LHX4: variants seen among roughly 807,000 people sequenced by gnomAD.
LHX4 encodes the protein LIM/homeobox protein Lhx4.
A neutral mutation model predicts 39.2 loss-of-function variants in LHX4; 16 were observed. The observed-to-expected ratio is 0.41, with a 90% confidence interval of 0.28 to 0.62. LHX4 has a LOEUF of 0.62. Among genes scored for constraint, LHX4 ranks in the 20% least tolerant of loss-of-function variants. LHX4 has a pLI of 0.33. For missense variants in LHX4, 439 were observed against 511.9 expected (o/e 0.86, Z 1.37); for synonymous variants, 206 against 198.1 (o/e 1.04, Z -0.33).
At chr1:180,231,420 C>T (rs1049021542) in intron 1 of LHX4, among the ~76,000 whole-genome samples, 1 of 151,808 alleles carries the variant, frequency 6.6e-6, no homozygotes, top group Non-Finnish European at 1.5e-5. Context: ...CGTGTTTATC[C>T]CCAAGTCTCT....
intron 2 of LHX4, among the ~76,000 whole-genome samples, chr1:180,251,949 T>C (rs357069): frequency 0.41 from 61,619 of 152,094 alleles, 14,442 homozygotes; most frequent in African/African-American, 0.66. Context: ...GAAGACCAGG[T>C]GGCTCTGAAG....
At chr1:180,248,536 G>T (rs1392269892) in intron 2 of LHX4, 80 bp downstream of exon 2, 1 of 1,509,082 alleles carries the variant, frequency 6.6e-7, no homozygotes, top group Non-Finnish European at 9.2e-7. Flanking sequence ...TTGCAGCAGG[G>T]TAGGCCAGGG....
intron 2 of LHX4, among the ~76,000 whole-genome samples, chr1:180,256,676 T>C (rs563502667): frequency 8.8e-4 from 134 of 152,316 alleles, no homozygotes; most frequent in African/African-American, 3.1e-3. Flanking sequence ...CACTGGGCCA[T>C]CCGTGGGGCT....
chr1:180,242,883 T>C (rs969252444), intron 1 of LHX4, among the ~76,000 whole-genome samples: 12 of 152,230 alleles, frequency 7.9e-5, no homozygotes, highest in African/African-American at 2.9e-4. Flanking sequence ...CAAGCATCTA[T>C]GTAAATTGCA....
intron 1 of LHX4, among the ~76,000 whole-genome samples, chr1:180,244,992 C>G (rs574428945): frequency 6.6e-6 from 1 of 152,354 alleles, no homozygotes; most frequent in East Asian, 1.9e-4. Context: ...GCACACAGCA[C>G]TGCCCTGTGG....
Position 180,246,940 on chromosome 1 carries a change from A to G in LHX4, c.77-1345A>G, listed in dbSNP as rs1451708753. On this transcript the variant is annotated intron_variant, in intron 1 of 5. Coordinates refer to ENST00000263726, the MANE Select transcript of LHX4 (RefSeq NM_033343.4). ...TGACCGTTTAGACAAACAACGAGCAAAGGTGTCTTTTATAATAGGGGTGGT... is the reference window on the plus strand; with the variant it reads ...TGACCGTTTAGACAAACAACGAGCAGAGGTGTCTTTTATAATAGGGGTGGT... Among the ~76,000 whole-genome samples the G allele has an allele frequency of 2.6e-5, 4 of 152,192 alleles. No homozygotes were observed. The East Asian group carries it at 7.7e-4, about 29-fold the overall frequency.
intron 2 of LHX4, among the ~76,000 whole-genome samples, chr1:180,253,522 T>G (rs2149258389): frequency 6.6e-6 from 1 of 152,354 alleles, no homozygotes; most frequent in Admixed American, 6.5e-5. Context: ...AGGAGTGATT[T>G]TCTCAGCAGT....
chr1:180,236,069 G>A (rs1167365970), intron 1 of LHX4, among the ~76,000 whole-genome samples: 2 of 152,104 alleles, frequency 1.3e-5, no homozygotes, highest in East Asian at 3.9e-4. Flanking sequence ...CAAAAACAAA[G>A]GGGGGTTAAG....
At chr1:180,231,646 A>G (rs1664185029) in intron 1 of LHX4, among the ~76,000 whole-genome samples, 1 of 150,254 alleles carries the variant, frequency 6.7e-6, no homozygotes, top group Admixed American at 6.6e-5. Flanking sequence ...CACCCTGGAG[A>G]GACCAAGGAG....
At position 180,255,717 on chromosome 1, in the gene LHX4, G is replaced by A. The variant is rs116312254; in HGVS notation, c.248+7261G>A. ...GCTGTAAATCAGGAGGTGATGAGTCGGAGGAGGATTGTCTGCCCGCCCCAG... is the reference window on the plus strand; with the variant it reads ...GCTGTAAATCAGGAGGTGATGAGTCAGAGGAGGATTGTCTGCCCGCCCCAG... On this transcript the variant is annotated intron_variant, in intron 2 of 5. Coordinates refer to ENST00000263726, the MANE Select transcript of LHX4 (RefSeq NM_033343.4). Among the ~76,000 whole-genome samples the A allele has an allele frequency of 9.5e-3, 1,443 of 152,324 alleles. 10 individuals are homozygous for A. Among genetic ancestry groups the A allele is most frequent in the African/African-American group, 0.029 (1,200 of 41,584 alleles).
chr1:180,242,166 C>A (rs1479200399), intron 1 of LHX4, among the ~76,000 whole-genome samples: 1 of 152,174 alleles, frequency 6.6e-6, no homozygotes, highest in Non-Finnish European at 1.5e-5. Context: ...TTCGGCTAAG[C>A]CTTCCTTTCC....
intron 2 of LHX4, among the ~76,000 whole-genome samples, chr1:180,251,206 G>A (rs1353495672): frequency 3.3e-5 from 5 of 152,194 alleles, no homozygotes; most frequent in Admixed American, 1.3e-4. Context: ...GCCTCCTGCC[G>A]GCGCTCCCTT....
chr1:180,259,203 G>T (rs1647996871), intron 2 of LHX4, among the ~76,000 whole-genome samples: 1 of 152,106 alleles, frequency 6.6e-6, no homozygotes, highest in Non-Finnish European at 1.5e-5. Context: ...GGGAGGCTTG[G>T]GAGGCCAGGG....
chr1:180,275,025 A>G lies in LHX4; in HGVS notation c.*446A>G, dbSNP rs1439490086. The G allele has an allele frequency of 6.3e-6, 1 of 158,448 alleles. No individual in the cohort carries two copies. Among genetic ancestry groups the G allele is most frequent in the Non-Finnish European group, 1.4e-5 (1 of 72,430 alleles). 9.8% of individuals were successfully genotyped at this position (158,448 alleles called of 1,614,324 possible). On this transcript the variant is annotated 3_prime_UTR_variant, in exon 6 of 6. Coordinates refer to ENST00000263726, the MANE Select transcript of LHX4 (RefSeq NM_033343.4). Reference sequence around the variant, plus strand: ...TAAGGTAGAGGCCTCACAGCCCTTGAGTAAAATAAAAGTGATTTCTGGACC... The same window carrying G: ...TAAGGTAGAGGCCTCACAGCCCTTGGGTAAAATAAAAGTGATTTCTGGACC...
chr1:180,260,866 G>A (rs1042949899), intron 2 of LHX4, among the ~76,000 whole-genome samples: 6 of 151,776 alleles, frequency 4.0e-5, no homozygotes, highest in African/African-American at 1.2e-4. Context: ...CAGAAGCACC[G>A]ACTGCAAACC....
intron 1 of LHX4, among the ~76,000 whole-genome samples, chr1:180,231,308 C>T (rs2149250647): frequency 6.6e-6 from 1 of 151,952 alleles, no homozygotes; most frequent in East Asian, 1.9e-4. Context: ...CAGGGTGGCT[C>T]GGGTTTGGAG....
chr1:180,263,639 T>C (rs1439730325), intron 2 of LHX4, among the ~76,000 whole-genome samples: 2 of 152,220 alleles, frequency 1.3e-5, no homozygotes, highest in East Asian at 3.8e-4. Context: ...GGTGGGGAAG[T>C]CCACTTATTT....
intron 2 of LHX4, among the ~76,000 whole-genome samples, chr1:180,248,973 G>A (rs996042195): frequency 1.3e-5 from 2 of 152,168 alleles, no homozygotes; most frequent in Admixed American, 6.5e-5. Context: ...AGCCAGGCTC[G>A]GTCAATGTCG....
chr1:180,269,053 C>A (rs898593495), intron 3 of LHX4, among the ~76,000 whole-genome samples: 1 of 151,980 alleles, frequency 6.6e-6, no homozygotes, highest in Admixed American at 6.6e-5. Flanking sequence ...GCGTTTTATG[C>A]CAGGGACAAG....
Sources: allele counts gnomAD v4.1 joint callset (sites outside exome capture counted in the v4.1 genomes callset), GRCh38; gene constraint gnomAD v4.1.1; transcripts MANE v1.5; gene names NCBI Gene and HGNC (gene_info 2026-07-23, HGNC 2026-07-21).